Variants in PDIA3 observed in about 807,000 individuals in gnomAD.
PDIA3 encodes protein disulfide isomerase family A member 3, also known as protein disulfide-isomerase A3.
Under a neutral mutation model 56.9 loss-of-function variants are expected in PDIA3, and 16 were observed. That is an observed-to-expected ratio of 0.28 (90% CI 0.19 to 0.43). The LOEUF (loss-of-function observed/expected upper bound fraction) is 0.43, where lower values mean the gene tolerates loss of function less well. Ranked by LOEUF, PDIA3 falls within the 20% of genes least tolerant of loss-of-function variation. The pLI is 1.00. For missense variants in PDIA3, 485 were observed against 621.3 expected (o/e 0.78, Z 2.33); for synonymous variants, 192 against 216.5 (o/e 0.89, Z 0.99).
At chr15:43,764,438 T>G (rs1401793020) in intron 5 of PDIA3, among the ~76,000 whole-genome samples, 3 of 152,050 alleles carry the variant, frequency 2.0e-5, no homozygotes, top group Non-Finnish European at 4.4e-5. Context: ...TAACTATGAG[T>G]GAAAAGAAGA....
intron 12 of PDIA3, 87 bp from the exon 13 acceptor site, chr15:43,771,018 T>G: frequency 1.2e-6 from 1 of 829,476 alleles, no homozygotes; most frequent in East Asian, 2.6e-5. Context: ...AATATGCTTT[T>G]ACAAACTCAG....
At chr15:43,748,991 G>C (rs946588636) in intron 1 of PDIA3, among the ~76,000 whole-genome samples, 1 of 151,704 alleles carries the variant, frequency 6.6e-6, no homozygotes, top group African/African-American at 2.4e-5. Flanking sequence ...GGCTGGTCTC[G>C]AACTCCTGAC....
intron 3 of PDIA3, among the ~76,000 whole-genome samples, chr15:43,760,570 C>T (rs1179895978): frequency 6.7e-6 from 1 of 149,888 alleles, no homozygotes; most frequent in African/African-American, 2.5e-5. Context: ...ACTCTGTCAC[C>T]CAGGCTGGAG....
chr15:43,767,529 G>A (rs2086855199), intron 8 of PDIA3, among the ~76,000 whole-genome samples: 1 of 151,924 alleles, frequency 6.6e-6, no homozygotes, highest in African/African-American at 2.4e-5. Context: ...TGTAATCCCA[G>A]CACTTTGGGA....
At chr15:43,751,288 A>G (rs1162802360) in intron 1 of PDIA3, among the ~76,000 whole-genome samples, 1 of 151,632 alleles carries the variant, frequency 6.6e-6, no homozygotes, top group African/African-American at 2.4e-5. Flanking sequence ...ATCTAATAAT[A>G]CTGTGTCACC....
intron 12 of PDIA3, 32 bp downstream of exon 12, chr15:43,770,612 T>C (rs2086875274): frequency 1.5e-6 from 2 of 1,354,688 alleles, no homozygotes; most frequent in Non-Finnish European, 2.1e-6. Flanking sequence ...CCCACAAATA[T>C]ATACACAGAC....
Position 43,766,807 on chromosome 15 carries a change from C to T in PDIA3, c.925C>T (p.His309Tyr), listed in dbSNP as rs760558361. The T allele has an allele frequency of 6.2e-7, 1 of 1,613,302 alleles. No individual in the cohort carries two copies. The highest frequency in any genetic ancestry group is 8.5e-7 in the Non-Finnish European group (1 of 1,179,240). Reference sequence around the variant, plus strand: ...TGTAGCTAGCCGCAAAACCTTTAGCCATGAACTTTCTGATTTTGGCTTGGA... The same window carrying T: ...TGTAGCTAGCCGCAAAACCTTTAGCTATGAACTTTCTGATTTTGGCTTGGA... ...FAVASRKTFS[H>Y]ELSDFGLEST... The change falls in exon 8 of 13, where the codon CAT becomes TAT. Residue 309 changes from histidine (H) to tyrosine (Y), a missense_variant. His to Tyr is a moderately conservative substitution (Grantham distance 83). Coordinates refer to ENST00000300289, the MANE Select transcript of PDIA3 (RefSeq NM_005313.5).
chr15:43,751,062 G>T (rs1161916243), intron 1 of PDIA3, among the ~76,000 whole-genome samples: 2 of 151,524 alleles, frequency 1.3e-5, no homozygotes, highest in Non-Finnish European at 2.9e-5. Context: ...AACCTGGGAG[G>T]TGCAGGTTGC....
intron 1 of PDIA3, among the ~76,000 whole-genome samples, chr15:43,748,253 G>A (rs1220634115): frequency 2.0e-5 from 3 of 152,062 alleles, no homozygotes; most frequent in Non-Finnish European, 4.4e-5. Flanking sequence ...CGAGGCAGGC[G>A]GATCACCTGA....
At chr15:43,769,686 G>T in intron 10 of PDIA3, 40 bp downstream of exon 10, 1 of 1,605,564 alleles carries the variant, frequency 6.2e-7, no homozygotes, top group South Asian at 1.1e-5. Flanking sequence ...ATTTGAGCGG[G>T]AGCAGTAAGT....
chr15:43,770,961 TTAAC>T, intron 12 of PDIA3, 140 bp from the exon 13 acceptor site: 2 of 635,400 alleles, frequency 3.1e-6, no homozygotes, highest in East Asian at 2.7e-5. Context: ...TTGGGTTTAT[TTAAC>T]TAAAATCTCT....
chr15:43,767,832 T>G (rs913243053), intron 8 of PDIA3, among the ~76,000 whole-genome samples: 2 of 142,220 alleles, frequency 1.4e-5, no homozygotes, highest in African/African-American at 5.3e-5. Context: ...TTGGGCCAGA[T>G]GTGGTGGCTC....
intron 4 of PDIA3, 152 bp downstream of exon 4, chr15:43,761,683 T>C (rs1271561052): frequency 7.6e-6 from 4 of 529,274 alleles, no homozygotes; most frequent in Middle Eastern, 2.8e-4. Flanking sequence ...ATTACTATAA[T>C]GTACTATATA....
chr15:43,773,147 A>T lies in PDIA3; in HGVS notation c.*1929A>T. ...GCCCCTGTTCTTTTCCTCAAACTCC[A>T]GGATGAGACCTTTAATGTGGGACAA... On this transcript the variant is annotated 3_prime_UTR_variant, in exon 13 of 13. Coordinates refer to ENST00000300289, the MANE Select transcript of PDIA3 (RefSeq NM_005313.5). The T allele has an allele frequency of 6.2e-7, 1 of 1,612,316 alleles. No homozygotes were observed. The highest frequency in any genetic ancestry group is 8.5e-7 in the Non-Finnish European group (1 of 1,179,554).
intron 5 of PDIA3, among the ~76,000 whole-genome samples, chr15:43,764,149 C>G (rs2086834153): frequency 6.6e-6 from 1 of 152,128 alleles, no homozygotes; most frequent in Admixed American, 6.5e-5. Flanking sequence ...TTATTTATAT[C>G]CTCCTGCTCA....
chr15:43,767,694 C>T (rs963754452), intron 8 of PDIA3, among the ~76,000 whole-genome samples: 1 of 149,198 alleles, frequency 6.7e-6, no homozygotes, highest in Non-Finnish European at 1.5e-5. Context: ...CACTTGAACC[C>T]GGGAGGAAGA....
intron 2 of PDIA3, 60 bp downstream of exon 2, chr15:43,753,962 T>G (rs960191020): frequency 1.6e-5 from 19 of 1,173,520 alleles, no homozygotes; most frequent in Non-Finnish European, 2.3e-5. Flanking sequence ...TAGTTTGTTG[T>G]CTCAGCTTTG....
At chr15:43,752,482 ACAGCATAAGGAATAGCATTTGTT>A (rs1596018644) in intron 1 of PDIA3, among the ~76,000 whole-genome samples, 1 of 152,242 alleles carries the variant, frequency 6.6e-6, no homozygotes, top group East Asian at 1.9e-4. Flanking sequence ...AATCTGAAAT[ACAGCATAAGGAATAGCATTTGTT>A]TGCACTCAGT....
intron 3 of PDIA3, among the ~76,000 whole-genome samples, chr15:43,758,178 G>A (rs7168158): frequency 0.16 from 24,491 of 150,386 alleles, 2,586 homozygotes; most frequent in African/African-American, 0.29. Context: ...GCGGGGTTGC[G>A]GTGAGCCAAG....
Sources: allele counts gnomAD v4.1 joint callset (sites outside exome capture counted in the v4.1 genomes callset), GRCh38; gene constraint gnomAD v4.1.1; transcripts MANE v1.5; gene names NCBI Gene and HGNC (gene_info 2026-07-23, HGNC 2026-07-21).